SNRNP40: variants seen among roughly 807,000 people sequenced by gnomAD.
SNRNP40 encodes U5 small nuclear ribonucleoprotein 40 kDa protein.
In SNRNP40, 21 loss-of-function variants were observed where a neutral mutation model predicts 45.8. The ratio of observed to expected loss-of-function variants is 0.46; its 90% CI spans 0.32 to 0.66. The LOEUF is 0.66. Among genes scored for constraint, SNRNP40 ranks in the 30% least tolerant of loss-of-function variants. The pLI is 0.03. For missense variants in SNRNP40, 344 were observed against 439.1 expected (o/e 0.78, Z 1.94); for synonymous variants, 142 against 163.8 (o/e 0.87, Z 1.01).
chr1:31,295,165 G>A lies in SNRNP40; in HGVS notation c.141+1446C>T, dbSNP rs112603849. On this transcript the variant is annotated intron_variant, in intron 1 of 9. Transcript: ENST00000263694. The stretch of plus-strand genomic sequence containing the variant: ...AGCATTTTGGGAGGCCAAGGTGTGC[G>A]GATTGCTTGAGCTCAGGAGTGAAAT... Among the ~76,000 whole-genome samples, 8 of 152,092 alleles carry A rather than the reference G, an allele frequency of 5.3e-5. No homozygotes were observed. The South Asian group carries it at 8.3e-4, about 16-fold the overall frequency.
intron 5 of SNRNP40, among the ~76,000 whole-genome samples, chr1:31,277,139 G>A (rs999897148): frequency 2.6e-5 from 4 of 152,184 alleles, no homozygotes; most frequent in African/African-American, 4.8e-5. Context: ...CATGGCAGCA[G>A]TGAGCCATGA....
chr1:31,278,818 A>G (rs1258620053), intron 5 of SNRNP40, among the ~76,000 whole-genome samples: 1 of 152,112 alleles, frequency 6.6e-6, no homozygotes, highest in African/African-American at 2.4e-5. Context: ...GAGTTGTGGA[A>G]GTAGACGAGA....
chr1:31,296,724 G>A lies in SNRNP40; in HGVS notation c.28C>T (p.Pro10Ser). Reference protein sequence around the residue: MIEQQKRKGPELPLVPVKRQ... With the variant: MIEQQKRKGSELPLVPVKRQ... Reference sequence around the variant, plus strand: ...TTGACTGGAACCAGCGGCAACTCTGGGCCCTTACGCTTCTGCTGTTCTATC... The same window carrying A: ...TTGACTGGAACCAGCGGCAACTCTGAGCCCTTACGCTTCTGCTGTTCTATC... Residue 10 changes from proline to serine, a missense_variant, in exon 1 of 10, where the codon CCA becomes TCA. Transcript: ENST00000263694. 3 of 1,612,682 alleles carry A rather than the reference G, an allele frequency of 1.9e-6. No individual in the cohort carries two copies. The highest frequency in any genetic ancestry group is 2.2e-5 in the East Asian group (1 of 44,750).
chr1:31,284,031 C>A (rs1309567397), intron 4 of SNRNP40, among the ~76,000 whole-genome samples: 2 of 152,282 alleles, frequency 1.3e-5, no homozygotes, highest in East Asian at 3.9e-4. Flanking sequence ...AGCGACCAGC[C>A]TGAGCAACAT....
chr1:31,263,520 A>C (rs1645875879), intron 8 of SNRNP40: 1 of 388,164 alleles, frequency 2.6e-6, no homozygotes, highest in South Asian at 2.0e-5. Flanking sequence ...CCTGAAATCA[A>C]CTCTGTTCCT....
At chr1:31,288,175 A>T (rs1646075708) in intron 4 of SNRNP40, among the ~76,000 whole-genome samples, 2 of 152,136 alleles carry the variant, frequency 1.3e-5, no homozygotes, top group Admixed American at 1.3e-4. Flanking sequence ...AGAAAAAAAA[A>T]AAAAAGCAAA....
At chr1:31,288,106 T>A (rs750755465) in intron 4 of SNRNP40, among the ~76,000 whole-genome samples, 2 of 151,240 alleles carry the variant, frequency 1.3e-5, no homozygotes, top group Non-Finnish European at 2.9e-5. Flanking sequence ...GAGGCTACAG[T>A]GAGCCAAGAT....
chr1:31,290,618 T>C lies in SNRNP40; in HGVS notation c.366-1199A>G, dbSNP rs550440700. On this transcript the variant is annotated intron_variant, in intron 3 of 9. Transcript: ENST00000263694. Reference sequence around the variant, plus strand: ...TCTGGCCAGGTGCGGTGGCTCACACTTGTAATCCCAGCATTTTGGGAGGCC... The same window carrying C: ...TCTGGCCAGGTGCGGTGGCTCACACCTGTAATCCCAGCATTTTGGGAGGCC... 4.6e-5 allele frequency among the ~76,000 whole-genome samples: 7 copies of C among 152,154 alleles called. 1 individual carries two copies. In the South Asian group the frequency reaches 1.0e-3, roughly 23 times the overall value.
intron 4 of SNRNP40, among the ~76,000 whole-genome samples, chr1:31,285,885 C>T (rs919522460): frequency 1.4e-4 from 22 of 152,142 alleles, no homozygotes; most frequent in Admixed American, 1.1e-3. Flanking sequence ...AGAAATGATG[C>T]TGCATCTTTG....
chr1:31,293,369 A>G, intron 1 of SNRNP40, 21 bp from the exon 2 acceptor site: 1 of 1,594,210 alleles, frequency 6.3e-7, no homozygotes, highest in Non-Finnish European at 8.5e-7. Flanking sequence ...GAGAAGCACA[A>G]GGTAACTACT....
At chr1:31,261,493 CCA>C in intron 9 of SNRNP40, 34 bp downstream of exon 9, 1 of 1,394,252 alleles carries the variant, frequency 7.2e-7, no homozygotes. Flanking sequence ...GGGGAGATTT[CCA>C]GTTTCCCTTT....
chr1:31,269,542 G>A (rs753765378), intron 6 of SNRNP40: 2 of 512,392 alleles, frequency 3.9e-6, no homozygotes, highest in Non-Finnish European at 6.2e-6. Flanking sequence ...AAGATATTTT[G>A]CAAGATTTCT....
Position 31,296,712 on chromosome 1 carries a change from G to C in SNRNP40, c.40C>G (p.Leu14Val). The change falls in exon 1 of 10, where the codon CTG (leucine) becomes GTG (valine). Residue 14 changes from leucine (L) to valine (V), a missense_variant. By Grantham distance (32) the Leu-to-Val change is conservative. Coordinates refer to ENST00000263694, the MANE Select transcript of SNRNP40 (RefSeq NM_004814.3). ...QQKRKGPELP[L>V]VPVKRQRHEL... ...TGCCGCTGCCGCTTGACTGGAACCAGCGGCAACTCTGGGCCCTTACGCTTC... is the reference window on the plus strand; with the variant it reads ...TGCCGCTGCCGCTTGACTGGAACCACCGGCAACTCTGGGCCCTTACGCTTC... The C allele has an allele frequency of 1.2e-6, 2 of 1,613,700 alleles. No individual in the cohort carries two copies. The highest frequency in any genetic ancestry group is 1.7e-6 in the Non-Finnish European group (2 of 1,179,802).
At chr1:31,295,220 A>G (rs2148393312) in intron 1 of SNRNP40, among the ~76,000 whole-genome samples, 1 of 152,030 alleles carries the variant, frequency 6.6e-6, no homozygotes, top group Admixed American at 6.6e-5. Context: ...ACAATTAGTT[A>G]GATGTGGTGG....
chr1:31,261,496 G>GT, intron 9 of SNRNP40, 33 bp downstream of exon 9: 1 of 1,426,432 alleles, frequency 7.0e-7, no homozygotes, highest in East Asian at 2.3e-5. Flanking sequence ...GAGATTTCCA[G>GT]TTTCCCTTTC....
chr1:31,281,309 T>C (rs1646014979), intron 5 of SNRNP40, 65 bp downstream of exon 5: 2 of 1,412,888 alleles, frequency 1.4e-6, no homozygotes, highest in Non-Finnish European at 9.7e-7. Context: ...TCTCAGAAGT[T>C]TGAAAAAATT....
chr1:31,276,657 G>A (rs962144881), intron 5 of SNRNP40, among the ~76,000 whole-genome samples: 6 of 152,050 alleles, frequency 3.9e-5, no homozygotes, highest in African/African-American at 1.4e-4. Flanking sequence ...AGGCCAAGGA[G>A]GGAGGACTGC....
intron 5 of SNRNP40, among the ~76,000 whole-genome samples, chr1:31,275,179 C>T (rs1645966455): frequency 6.6e-6 from 1 of 152,184 alleles, no homozygotes; most frequent in South Asian, 2.1e-4. Context: ...GGCCAGATCA[C>T]TTAACCTCTT....
At chr1:31,286,394 T>C (rs1569666845) in intron 4 of SNRNP40, among the ~76,000 whole-genome samples, 2 of 152,154 alleles carry the variant, frequency 1.3e-5, no homozygotes, top group Non-Finnish European at 2.9e-5. Flanking sequence ...TCTTCCACCC[T>C]TCCCTACTTG....
Sources: gnomAD v4.1 joint callset for allele counts (sites outside exome capture counted in the v4.1 genomes callset) on GRCh38, gnomAD v4.1.1 for gene constraint, MANE v1.5 for transcripts, NCBI Gene and HGNC (gene_info 2026-07-23, HGNC 2026-07-21) for gene names.